The following SLC25A26 variants were observed in gnomAD, a reference collection of about 807,000 sequenced individuals.
The protein encoded by SLC25A26 is mitochondrial S-adenosylmethionine carrier protein.
A neutral mutation model predicts 37.8 loss-of-function variants in SLC25A26; 36 were observed. That is an observed-to-expected ratio of 0.95 (90% CI 0.73 to 1.26). The LOEUF is 1.26. SLC25A26 is among the 50% of genes most tolerant of loss of function. SLC25A26 has a pLI of 0.00. For missense variants in SLC25A26, 390 were observed against 331.1 expected (o/e 1.18, Z -1.38); for synonymous variants, 129 against 122.5 (o/e 1.05, Z -0.35).
chr3:66,285,049 G>A (rs540892120), intron 5 of SLC25A26, among the ~76,000 whole-genome samples: 11 of 152,248 alleles, frequency 7.2e-5, no homozygotes, highest in South Asian at 2.1e-4. Flanking sequence ...ATGAACTTTT[G>A]CTGAGGAAGA....
intron 1 of SLC25A26, among the ~76,000 whole-genome samples, chr3:66,195,350 T>A (rs2071027835): frequency 6.6e-6 from 1 of 152,352 alleles, no homozygotes; most frequent in South Asian, 2.1e-4. Context: ...CAGGTGCAGC[T>A]GCTGCCAAAT....
intron 5 of SLC25A26, among the ~76,000 whole-genome samples, chr3:66,306,119 G>A (rs182880700): frequency 2.5e-4 from 38 of 152,138 alleles, no homozygotes; most frequent in African/African-American, 8.2e-4. Flanking sequence ...CGAGTAGCTG[G>A]GACTACAGGT....
chr3:66,146,754 C>T (rs899748699), intron 1 of SLC25A26, among the ~76,000 whole-genome samples: 4 of 151,936 alleles, frequency 2.6e-5, no homozygotes, highest in Non-Finnish European at 4.4e-5. Flanking sequence ...TTTGTAGTGG[C>T]GAATTCTGAG....
chr3:66,319,464 T>G (rs1321548955), intron 5 of SLC25A26, among the ~76,000 whole-genome samples: 2 of 152,174 alleles, frequency 1.3e-5, no homozygotes, highest in Non-Finnish European at 2.9e-5. Context: ...TTCTTATGAC[T>G]GGGGGAAACA....
chr3:66,188,879 C>A (rs1188673366), intron 1 of SLC25A26, among the ~76,000 whole-genome samples: 5 of 151,988 alleles, frequency 3.3e-5, no homozygotes, highest in African/African-American at 1.2e-4. Flanking sequence ...GATGCCCTAG[C>A]CTTGACCTTT....
chr3:66,201,596 A>C (rs1368230167), intron 1 of SLC25A26, among the ~76,000 whole-genome samples: 2 of 152,170 alleles, frequency 1.3e-5, no homozygotes, highest in Admixed American at 1.3e-4. Flanking sequence ...TCACCCTCCC[A>C]AAATCCTAAG....
At position 66,152,907 on chromosome 3, in the gene SLC25A26, G is replaced by A. The variant is rs185656927; in HGVS notation, c.-354+18923G>A. ...ACCTAGGGCAGTGGTTCTCAACTCTGGCCGTTTAGAATTACCTGGGAAATT... is the reference window on the plus strand; with the variant it reads ...ACCTAGGGCAGTGGTTCTCAACTCTAGCCGTTTAGAATTACCTGGGAAATT... On this transcript the variant is annotated intron_variant, in intron 1 of 10. Coordinates refer to the SLC25A26 transcript ENST00000676754. 2.4e-4 allele frequency among the ~76,000 whole-genome samples: 36 copies of A among 152,230 alleles called. No individual in the cohort carries two copies. In the East Asian group the frequency reaches 6.8e-3, roughly 29 times the overall value.
chr3:66,330,684 GAA>G (rs2075954027), intron 5 of SLC25A26, among the ~76,000 whole-genome samples: 1 of 151,720 alleles, frequency 6.6e-6, no homozygotes, highest in African/African-American at 2.4e-5. Flanking sequence ...CAGAATACAC[GAA>G]GTTTGTAAAC....
chr3:66,154,951 T>G (rs1271251073), intron 1 of SLC25A26, among the ~76,000 whole-genome samples: 1 of 152,250 alleles, frequency 6.6e-6, no homozygotes, highest in Non-Finnish European at 1.5e-5. Flanking sequence ...TATTCCCTAT[T>G]CTGAGCAGAC....
At chr3:66,188,960 T>A (rs1473789371) in intron 1 of SLC25A26, among the ~76,000 whole-genome samples, 1 of 152,076 alleles carries the variant, frequency 6.6e-6, no homozygotes, top group Non-Finnish European at 1.5e-5. Flanking sequence ...CCCTAATCTT[T>A]AATTCTTACC....
chr3:66,290,574 A>G (rs1269046531), intron 5 of SLC25A26, among the ~76,000 whole-genome samples: 1 of 152,116 alleles, frequency 6.6e-6, no homozygotes, highest in Non-Finnish European at 1.5e-5. Flanking sequence ...TGAGATAATC[A>G]TGTGGTTTTT....
At chr3:66,148,717 C>T (rs963146093) in intron 1 of SLC25A26, among the ~76,000 whole-genome samples, 29 of 152,184 alleles carry the variant, frequency 1.9e-4, no homozygotes, top group African/African-American at 6.8e-4. Context: ...TCATTTTCTT[C>T]TTCCTGGTTC....
intron 2 of SLC25A26, among the ~76,000 whole-genome samples, chr3:66,236,941 A>G (rs1345885761): frequency 3.3e-5 from 5 of 152,166 alleles, no homozygotes; most frequent in South Asian, 2.1e-4. Flanking sequence ...GGCTCAAGAA[A>G]TCCTCTTGCC....
At chr3:66,205,598 T>C (rs2071166175) in intron 1 of SLC25A26, among the ~76,000 whole-genome samples, 1 of 152,218 alleles carries the variant, frequency 6.6e-6, no homozygotes, top group Non-Finnish European at 1.5e-5. Flanking sequence ...GCATACTTTA[T>C]TGCATAGCTG....
chr3:66,291,279 T>G (rs2074696375), intron 5 of SLC25A26, among the ~76,000 whole-genome samples: 1 of 152,082 alleles, frequency 6.6e-6, no homozygotes, highest in African/African-American at 2.4e-5. Flanking sequence ...ATTAATTGTG[T>G]TTTTGGGGGG....
intron 5 of SLC25A26, among the ~76,000 whole-genome samples, chr3:66,329,775 G>GT (rs2075927034): frequency 6.6e-6 from 1 of 152,086 alleles, no homozygotes; most frequent in African/African-American, 2.4e-5. Flanking sequence ...CTCCATCACT[G>GT]TTACCTCGAA....
chr3:66,317,422 C>T (rs542868556), intron 5 of SLC25A26, among the ~76,000 whole-genome samples: 20 of 152,144 alleles, frequency 1.3e-4, no homozygotes, highest in Non-Finnish European at 2.6e-4. Flanking sequence ...CGGGGCCCCT[C>T]CCATCCCTGG....
At chr3:66,354,771 C>A (rs1279994624) in intron 6 of SLC25A26, among the ~76,000 whole-genome samples, 1 of 152,100 alleles carries the variant, frequency 6.6e-6, no homozygotes, top group African/African-American at 2.4e-5. Flanking sequence ...GCAGATCTTT[C>A]CAGCACTGTT....
chr3:66,253,986 G>C (rs1003144539), intron 3 of SLC25A26, among the ~76,000 whole-genome samples: 1 of 152,208 alleles, frequency 6.6e-6, no homozygotes, highest in African/African-American at 2.4e-5. Context: ...TTTTCTTTGA[G>C]AAGACTTCCT....
Sources: gnomAD v4.1 joint callset for allele counts (sites outside exome capture counted in the v4.1 genomes callset) on GRCh38, gnomAD v4.1.1 for gene constraint, MANE v1.5 for transcripts, NCBI Gene and HGNC (gene_info 2026-07-23, HGNC 2026-07-21) for gene names.